Variants in CREB5 observed in about 807,000 individuals in gnomAD.
The protein encoded by CREB5 is cAMP responsive element binding protein 5.
In CREB5, 19 loss-of-function variants were observed where a neutral mutation model predicts 57.1. The ratio of observed to expected loss-of-function variants is 0.33; its 90% CI spans 0.23 to 0.49. The LOEUF is 0.49. Among genes scored for constraint, CREB5 ranks in the 20% least tolerant of loss-of-function variants. CREB5 has a pLI of 0.99. For synonymous variants in CREB5, 238 were observed against 238.3 expected (o/e 1.00, Z 0.01); for missense variants, 579 against 671.6 (o/e 0.86, Z 1.52).
At chr7:28,773,133 T>C (rs1806420485) in intron 7 of CREB5, among the ~76,000 whole-genome samples, 1 of 152,154 alleles carries the variant, frequency 6.6e-6, no homozygotes, top group Admixed American at 6.5e-5. Context: ...TTTTTAAAAT[T>C]AATACTTTCT....
intron 1 of CREB5, among the ~76,000 whole-genome samples, chr7:28,444,377 T>C (rs1336264858): frequency 6.6e-6 from 1 of 152,124 alleles, no homozygotes; most frequent in Non-Finnish European, 1.5e-5. Flanking sequence ...TTATCTCCTT[T>C]CTCAACATGG....
upstream of CREB5, chr7:28,410,146 A>G (rs962796696): frequency 5.4e-5 from 21 of 390,730 alleles, no homozygotes; most frequent in Admixed American, 1.9e-4. Flanking sequence ...TGCCGGCTGC[A>G]GCGGGTGGGC....
intron 7 of CREB5, among the ~76,000 whole-genome samples, chr7:28,733,417 G>A (rs529659883): frequency 3.3e-5 from 5 of 152,144 alleles, no homozygotes; most frequent in South Asian, 2.1e-4. Context: ...CCATGATCTC[G>A]CTCCAGGACC....
At chr7:28,799,918 T>G (rs969452418) in intron 7 of CREB5, among the ~76,000 whole-genome samples, 2 of 152,214 alleles carry the variant, frequency 1.3e-5, no homozygotes, top group African/African-American at 4.8e-5. Flanking sequence ...TGATCCAAGA[T>G]TAAAATGCTG....
rs545349047 is a variant in CREB5, at chr7:28,514,074, A to ACAG, written c.291+6338_291+6340dup. ...TAGAGGAATACTGGCTAAGATGGTG[A>ACAG]CAGATATTTGTTCATCATCTCCCTT... On this transcript the variant is annotated intron_variant, in intron 4 of 10. Coordinates refer to ENST00000357727, the MANE Select transcript of CREB5 (RefSeq NM_182898.4). 2.6e-3 allele frequency among the ~76,000 whole-genome samples: 398 copies of ACAG among 152,348 alleles called. 1 individual carries two copies. The highest frequency in any genetic ancestry group is 9.3e-3 in the African/African-American group (385 of 41,576).
At chr7:28,560,919 T>TGTGCGCGC (rs1795180096) in intron 4 of CREB5, among the ~76,000 whole-genome samples, 2 of 42,990 alleles carry the variant, frequency 4.7e-5, no homozygotes, top group African/African-American at 1.0e-4. Flanking sequence ...CGTGTGCGTG[T>TGTGCGCGC]GTGCGCGTGC....
At chr7:28,517,693 C>T (rs973291158) in intron 4 of CREB5, among the ~76,000 whole-genome samples, 1 of 152,100 alleles carries the variant, frequency 6.6e-6, no homozygotes, top group African/African-American at 2.4e-5. Context: ...GGCCACGCAC[C>T]TCCTGTCTGC....
At position 28,718,624 on chromosome 7, in the gene CREB5, A is replaced by G. The variant is rs944533508; in HGVS notation, c.465-129A>G. 41 of 1,259,508 alleles carry G rather than the reference A, an allele frequency of 3.3e-5. No homozygotes were observed. The Middle Eastern group carries it at 3.5e-3, about 106-fold the overall frequency. The allele number at this position is 1,259,508 out of a possible 1,614,324, so 78.0% of individuals were successfully genotyped here. Reference sequence around the variant, plus strand: ...TATTATTTCCCTAATATCCTCAATTATGTGACTCTCCCATCAGTGGATCTG... The same window carrying G: ...TATTATTTCCCTAATATCCTCAATTGTGTGACTCTCCCATCAGTGGATCTG... On this transcript the variant is annotated intron_variant, in intron 5 of 10. Coordinates refer to ENST00000357727, the MANE Select transcript of CREB5 (RefSeq NM_182898.4).
intron 4 of CREB5, among the ~76,000 whole-genome samples, chr7:28,550,621 C>T (rs969284600): frequency 3.3e-5 from 5 of 152,172 alleles, no homozygotes; most frequent in South Asian, 2.1e-4. Context: ...TCACCTTCTC[C>T]GCCTCCCACC....
At chr7:28,683,384 C>T (rs1434959177) in intron 5 of CREB5, among the ~76,000 whole-genome samples, 2 of 152,048 alleles carry the variant, frequency 1.3e-5, no homozygotes, top group Non-Finnish European at 2.9e-5. Flanking sequence ...AGTTATGTCC[C>T]GAACAACAAG....
rs144293366 is a variant in CREB5 at position 28,490,133 on chromosome 7, C to T, written c.75+1887C>T. 4.8e-3 allele frequency among the ~76,000 whole-genome samples: 738 copies of T among 152,296 alleles called. 4 individuals are homozygous for T. The highest frequency in any genetic ancestry group is 8.5e-3 in the Non-Finnish European group (580 of 68,014). On this transcript the variant is annotated intron_variant, in intron 2 of 10. Coordinates refer to ENST00000357727, the MANE Select transcript of CREB5 (RefSeq NM_182898.4). ...ATTTCTCAACACACTTTTTGGGAGC[C>T]TACTATGTGTCAGGCAATCTGATTG...
rs190998546 is a variant in CREB5 at position 28,761,587 on chromosome 7, C to T, written c.702+37255C>T. Among the ~76,000 whole-genome samples, 269 of 152,286 alleles carry T rather than the reference C, an allele frequency of 1.8e-3. 1 individual carries two copies. The highest frequency in any genetic ancestry group is 6.2e-3 in the African/African-American group (258 of 41,558). ...GCCTCAATTAAAGATTTCTCTTTCA[C>T]GGCATCGTACCAATATCAGAAATGC... On this transcript the variant is annotated intron_variant, in intron 7 of 10. Transcript: ENST00000357727.
chr7:28,408,446 T>G (rs1185765055), upstream of CREB5, among the ~76,000 whole-genome samples: 1 of 152,198 alleles, frequency 6.6e-6, no homozygotes, highest in Non-Finnish European at 1.5e-5. Context: ...GGCCGGATAC[T>G]GGAGACGCCA....
intron 9 of CREB5, among the ~76,000 whole-genome samples, chr7:28,816,397 T>A (rs10486594): frequency 3.3e-5 from 5 of 152,312 alleles, no homozygotes; most frequent in Admixed American, 2.6e-4. Context: ...AGGTACAATT[T>A]GCCTTCTTGT....
chr7:28,348,852 T>A (rs1249681599), intron 1 of CREB5, among the ~76,000 whole-genome samples: 1 of 152,230 alleles, frequency 6.6e-6, no homozygotes, highest in Non-Finnish European at 1.5e-5. Flanking sequence ...TGTGCCAGCC[T>A]CTCAGGCCTG....
At chr7:28,809,945 T>C (rs370644942) in intron 9 of CREB5, among the ~76,000 whole-genome samples, 1 of 152,150 alleles carries the variant, frequency 6.6e-6, no homozygotes, top group Non-Finnish European at 1.5e-5. Context: ...TTTTGTTTCA[T>C]GGAAGAAAGA....
chr7:28,313,891 C>G (rs1419029764), intron 1 of CREB5, among the ~76,000 whole-genome samples: 1 of 152,072 alleles, frequency 6.6e-6, no homozygotes, highest in Non-Finnish European at 1.5e-5. Context: ...TCTAGCATAC[C>G]ATACAATGAG....
chr7:28,680,157 A>G (rs1800516553), intron 5 of CREB5, among the ~76,000 whole-genome samples: 1 of 152,100 alleles, frequency 6.6e-6, no homozygotes, highest in Non-Finnish European at 1.5e-5. Context: ...TAAATTTTGC[A>G]CCCTAGGCAC....
rs921076683 is a variant in CREB5 at position 28,751,877 on chromosome 7, C to T, written c.702+27545C>T. Among the ~76,000 whole-genome samples the T allele has an allele frequency of 5.3e-5, 8 of 152,136 alleles. 1 individual carries two copies. The highest frequency in any genetic ancestry group is 1.7e-4 in the African/African-American group (7 of 41,422). ...GTCTCCTTAGACTTCCAATCCATGA[C>T]GATTTCTCAGTCTTCCTTTGTCTTT... is the stretch of plus-strand genomic sequence containing the variant. On this transcript the variant is annotated intron_variant, in intron 7 of 10. Coordinates refer to ENST00000357727, the MANE Select transcript of CREB5 (RefSeq NM_182898.4).
Sources: gnomAD v4.1 joint callset for allele counts (sites outside exome capture counted in the v4.1 genomes callset) on GRCh38, gnomAD v4.1.1 for gene constraint, MANE v1.5 for transcripts, NCBI Gene and HGNC (gene_info 2026-07-23, HGNC 2026-07-21) for gene names.